SPPL2C: variants seen among roughly 807,000 people sequenced by gnomAD.
SPPL2C encodes signal peptide peptidase like 2C, also known as signal peptide peptidase-like 2C.
SPPL2C carries 33 observed loss-of-function variants against 38.8 expected under a neutral mutation model. The ratio of observed to expected loss-of-function variants is 0.85; its 90% CI spans 0.64 to 1.14. The LOEUF (loss-of-function observed/expected upper bound fraction) is 1.14, where lower values mean the gene tolerates loss of function less well. Among genes scored for constraint, SPPL2C ranks in the 50% most tolerant of loss-of-function variants. The probability of loss-of-function intolerance (pLI) is 0.00; values close to 1 mark genes in which losing one functional copy is unlikely to be tolerated. For synonymous variants in SPPL2C, 384 were observed against 390.7 expected (o/e 0.98, Z 0.20); for missense variants, 899 against 904.4 (o/e 0.99, Z 0.08).
Position 45,846,049 on chromosome 17 carries a change from C to G in SPPL2C, c.1143C>G (p.Ala381=). Residue 381 remains alanine, a synonymous_variant, in exon 1 of 1, where the codon GCC becomes GCG. Transcript: ENST00000329196. ...TLKNCSSFLL[A]LLAFDVFFVF... ...AGAACTGCTCCTCCTTCCTGCTGGC[C>G]CTGCTGGCCTTTGATGTCTTCTTTG... is the stretch of plus-strand genomic sequence containing the variant. 6.2e-7 allele frequency: 1 copy of G among 1,614,176 alleles called. No homozygotes were observed.
rs2062527720 is a variant in SPPL2C, at chr17:45,845,344, C to G, written c.438C>G (p.Leu146=). ...PQDPRQPLAD[L]TIPVAMLHYA... ...ATCCCCGCCAGCCCCTGGCAGACCTCACCATCCCTGTGGCTATGCTCCACT... is the reference window on the plus strand; with the variant it reads ...ATCCCCGCCAGCCCCTGGCAGACCTGACCATCCCTGTGGCTATGCTCCACT... The change falls in exon 1 of 1, where the codon CTC becomes CTG. Residue 146 remains leucine (L), a synonymous_variant. Transcript: ENST00000329196. The G allele has an allele frequency of 6.2e-7, 1 of 1,613,974 alleles. No homozygotes were observed. Among genetic ancestry groups the G allele is most frequent in the African/African-American group, 1.3e-5 (1 of 74,946 alleles).
rs929223 is a variant in SPPL2C at position 45,845,531 on chromosome 17, G to A, written c.625G>A (p.Glu209Lys). ...AGGCGGCTACTGGGCCGGCCTGACC[G>A]AAGCCAACCGGCTACAGCGGCGCCG... ...AAGGYWAGLT[E>K]ANRLQRRRAR... Residue 209 changes from glutamate (E) to lysine (K), a missense_variant, in exon 1 of 1, where the codon GAA becomes AAA. Glu to Lys is a moderately conservative substitution (Grantham distance 56). Transcript: ENST00000329196. The A allele has an allele frequency of 0.015, 24,005 of 1,600,268 alleles. 219 individuals carry two copies. Among genetic ancestry groups the A allele is most frequent in the Non-Finnish European group, 0.018 (20,907 of 1,174,618 alleles).
Position 45,845,230 on chromosome 17 carries a change from G to A in SPPL2C, c.324G>A (p.Trp108Ter). The A allele has an allele frequency of 6.2e-7, 1 of 1,613,786 alleles. No individual in the cohort carries two copies. The highest frequency in any genetic ancestry group is 8.5e-7 in the Non-Finnish European group (1 of 1,179,874). The change falls in exon 1 of 1, where the codon TGG (tryptophan) becomes TGA (stop). Residue 108 changes from tryptophan to a stop codon, truncating the protein, a stop_gained. Transcript: ENST00000329196. LOFTEE classifies it high-confidence loss of function. ...ACTGCAGCTTCCACACGAAAGGCTG[G>A]CTGGCTCAGGGCCAAGGTGCCCACG... Reference protein sequence around the residue: ...RGNCSFHTKGWLAQGQGAHGL... With the variant: ...RGNCSFHTKG
In SPPL2C at chr17:45,845,395, C is replaced by T; in HGVS notation, c.489C>T (p.Ser163=). 6.2e-7 allele frequency: 1 copy of T among 1,613,570 alleles called. No homozygotes were observed. Among genetic ancestry groups the T allele is most frequent in the Non-Finnish European group, 8.5e-7 (1 of 1,180,030 alleles). ...LHYADMLDIL[S]HTRGEAVVRV... ...ATGCTGACATGCTGGACATCCTCAG[C>T]CACACTCGTGGGGAGGCCGTCGTCC... The change falls in exon 1 of 1, where the codon AGC becomes AGT. Residue 163 remains serine, a synonymous_variant. Coordinates refer to ENST00000329196, the MANE Select transcript of SPPL2C (RefSeq NM_175882.3).
chr17:45,845,071 C>A lies in SPPL2C; in HGVS notation c.165C>A (p.His55Gln). The A allele has an allele frequency of 1.2e-6, 2 of 1,614,074 alleles. No individual in the cohort carries two copies. The highest frequency in any genetic ancestry group is 1.7e-5 in the Admixed American group (1 of 60,024). Reference protein sequence around the residue: ...DYITLPRDLHHAPLLPLYDGT... With the variant: ...DYITLPRDLHQAPLLPLYDGT... Reference sequence around the variant, plus strand: ...TCACCCTCCCCCGGGACCTGCACCACGCCCCACTCCTGCCCCTGTATGATG... The same window carrying A: ...TCACCCTCCCCCGGGACCTGCACCAAGCCCCACTCCTGCCCCTGTATGATG... The change falls in exon 1 of 1, where the codon CAC becomes CAA. Residue 55 changes from histidine (H) to glutamine (Q), a missense_variant. Coordinates refer to ENST00000329196, the MANE Select transcript of SPPL2C (RefSeq NM_175882.3).
rs1264983711 is a variant in SPPL2C, at chr17:45,845,340, A to T, written c.434A>T (p.Asp145Val). The T allele has an allele frequency of 1.2e-6, 2 of 1,613,996 alleles. No individual in the cohort carries two copies. The change falls in exon 1 of 1, where the codon GAC (aspartate) becomes GTC (valine). Residue 145 changes from aspartate to valine, a missense_variant. Asp to Val is a radical substitution (Grantham distance 152). Coordinates refer to ENST00000329196, the MANE Select transcript of SPPL2C (RefSeq NM_175882.3). ...APQDPRQPLA[D>V]LTIPVAMLHY... ...CAGGATCCCCGCCAGCCCCTGGCAG[A>T]CCTCACCATCCCTGTGGCTATGCTC... is the stretch of plus-strand genomic sequence containing the variant.
chr17:45,846,388 G>A lies in SPPL2C; in HGVS notation c.1482G>A (p.Met494Ile), dbSNP rs750554880. 6.2e-7 allele frequency: 1 copy of A among 1,613,630 alleles called. No homozygotes were observed. Among genetic ancestry groups the A allele is most frequent in the African/African-American group, 1.3e-5 (1 of 75,062 alleles). The change falls in exon 1 of 1, where the codon ATG becomes ATA. Residue 494 changes from methionine to isoleucine, a missense_variant. Transcript: ENST00000329196. The part of the protein sequence containing the change: ...LLVTFMAMVL[M>I]QMGQPALLYL... ...TCACATTCATGGCCATGGTCCTCAT[G>A]CAGATGGGCCAACCTGCCTTGCTCT...
rs780377071 is a variant in SPPL2C, at chr17:45,845,198, AGG to A, written c.295_296del (p.Gly99Ter). 6.2e-7 allele frequency: 1 copy of A among 1,613,728 alleles called. No individual in the cohort carries two copies. Among genetic ancestry groups the A allele is most frequent in the South Asian group, 1.1e-5 (1 of 91,070 alleles). ...PLRQTTAMVM[R>X]GNCSFHTKGW... ...CCGCCAGACCACTGCCATGGTCATG[AGG>A]GGTAACTGCAGCTTCCACACGAAAG... On this transcript the variant is annotated frameshift_variant, in exon 1 of 1. Coordinates refer to ENST00000329196, the MANE Select transcript of SPPL2C (RefSeq NM_175882.3). LOFTEE classifies it high-confidence loss of function.
In SPPL2C at chr17:45,846,934, G is replaced by C; in HGVS notation, c.2028G>C (p.Lys676Asn). The C allele has an allele frequency of 6.4e-7, 1 of 1,574,088 alleles. No homozygotes were observed. Among genetic ancestry groups the C allele is most frequent in the Non-Finnish European group, 8.6e-7 (1 of 1,161,292 alleles). ...AGAGGAAGGGTTTGAAAGTAAGAAA[G>C]AGCATGTCGACCCAGGCTCCCTTGT... ...LHKRKGLKVR[K>N]SMSTQAPL Residue 676 changes from lysine (K) to asparagine (N), a missense_variant, in exon 1 of 1, where the codon AAG (lysine) becomes AAC (asparagine). Transcript: ENST00000329196.
chr17:45,844,968 G>A lies in SPPL2C; in HGVS notation c.62G>A (p.Gly21Glu). The A allele has an allele frequency of 6.2e-7, 1 of 1,614,056 alleles. No homozygotes were observed. Among genetic ancestry groups the A allele is most frequent in the Non-Finnish European group, 8.5e-7 (1 of 1,179,934 alleles). Residue 21 changes from glycine to glutamate, a missense_variant, in exon 1 of 1, where the codon GGG becomes GAG. Gly to Glu is a moderately conservative substitution (Grantham distance 98, BLOSUM62 -2). Coordinates refer to ENST00000329196, the MANE Select transcript of SPPL2C (RefSeq NM_175882.3). The stretch of plus-strand genomic sequence containing the variant: ...CTCCTCCTCATCAGCACCGTGGCCG[G>A]GGGAAAGTACGGCGTGGCCCACGTG... ...GFLLLISTVA[G>E]GKYGVAHVVS... is the part of the protein sequence containing the mutation.
chr17:45,846,256 G>A lies in SPPL2C; in HGVS notation c.1350G>A (p.Val450=). The A allele has an allele frequency of 6.2e-7, 1 of 1,614,156 alleles. No homozygotes were observed. The highest frequency in any genetic ancestry group is 1.7e-5 in the Admixed American group (1 of 60,020). The change falls in exon 1 of 1, where the codon GTG becomes GTA. Residue 450 remains valine (V), a synonymous_variant. Coordinates refer to ENST00000329196, the MANE Select transcript of SPPL2C (RefSeq NM_175882.3). ...CCATCCTTGGCTTCGGTGACATTGT[G>A]GTCCCCGGCTTCCTGGTTGCTTACT... The part of the protein sequence containing the change: ...PFSILGFGDI[V]VPGFLVAYCC...
In SPPL2C at chr17:45,845,498, G is replaced by C. The variant is rs1426311060; in HGVS notation, c.592G>C (p.Val198Leu). The C allele has an allele frequency of 6.2e-7, 1 of 1,604,954 alleles. No individual in the cohort carries two copies. Among genetic ancestry groups the C allele is most frequent in the Non-Finnish European group, 8.5e-7 (1 of 1,177,488 alleles). The change falls in exon 1 of 1, where the codon GTG becomes CTG. Residue 198 changes from valine (V) to leucine (L), a missense_variant. Val to Leu is a conservative substitution (Grantham distance 32). Transcript: ENST00000329196. ...CATCTTCATCCTGGCTGTGGGCACA[G>C]TGGCTGCAGGCGGCTACTGGGCCGG... is the stretch of plus-strand genomic sequence containing the variant. The part of the protein sequence containing the change: ...LVIFILAVGT[V>L]AAGGYWAGLT...
chr17:45,845,689 C>T lies in SPPL2C; in HGVS notation c.783C>T (p.Thr261=), dbSNP rs536730578. The part of the protein sequence containing the change: ...FTPAMTGVVV[T]LSCSLMLLLY... ...CGGCCATGACAGGCGTGGTGGTCACCCTGTCCTGCTCGCTCATGCTGCTGC... is the reference window on the plus strand; with the variant it reads ...CGGCCATGACAGGCGTGGTGGTCACTCTGTCCTGCTCGCTCATGCTGCTGC... The change falls in exon 1 of 1, where the codon ACC becomes ACT. Residue 261 remains threonine (T), a synonymous_variant. Transcript: ENST00000329196. 45 of 1,613,820 alleles carry T rather than the reference C, an allele frequency of 2.8e-5. 1 individual carries two copies. The South Asian group carries it at 4.9e-4, about 18-fold the overall frequency.
chr17:45,846,329 G>A lies in SPPL2C; in HGVS notation c.1423G>A (p.Ala475Thr). 1 of 1,613,960 alleles carries A rather than the reference G, an allele frequency of 6.2e-7. No homozygotes were observed. Among genetic ancestry groups the A allele is most frequent in the Non-Finnish European group, 8.5e-7 (1 of 1,179,988 alleles). Residue 475 changes from alanine to threonine, a missense_variant, in exon 1 of 1, where the codon GCC becomes ACC. Coordinates refer to ENST00000329196, the MANE Select transcript of SPPL2C (RefSeq NM_175882.3). ...QVCSRQIYFV[A>T]CTVAYAVGLL... The stretch of plus-strand genomic sequence containing the variant: ...CTGCTCCCGTCAGATCTACTTCGTG[G>A]CCTGCACCGTGGCCTATGCTGTGGG...
rs564003383 is a variant in SPPL2C, at chr17:45,847,062, T to C, written c.*101T>C. 24 of 1,226,946 alleles carry C rather than the reference T, an allele frequency of 2.0e-5. No homozygotes were observed. The highest frequency in any genetic ancestry group is 2.7e-5 in the Non-Finnish European group (24 of 893,962). 76.0% of individuals were successfully genotyped at this position (1,226,946 alleles called of 1,614,324 possible). A position where few individuals can be genotyped will look rare whatever the true frequency, so the allele number is the denominator to read the frequency against. ...AAATCAGGGTATCAAAGAGATTTCA[T>C]ATCTACCCAAGGAGTCTCTCTGTTT... On this transcript the variant is annotated 3_prime_UTR_variant, in exon 1 of 1. Coordinates refer to ENST00000329196, the MANE Select transcript of SPPL2C (RefSeq NM_175882.3).
chr17:45,845,645 A>G lies in SPPL2C; in HGVS notation c.739A>G (p.Ile247Val). The change falls in exon 1 of 1, where the codon ATC (isoleucine) becomes GTC (valine). Residue 247 changes from isoleucine to valine, a missense_variant. Ile to Val is a conservative substitution (Grantham distance 29). Transcript: ENST00000329196. ...AGCCCAGAAGGAAGATAATGAGGAC[A>G]TCCCAGTGGACTTCACGCCGGCCAT... The part of the protein sequence containing the change: ...EGAQKEDNED[I>V]PVDFTPAMTG... 1 of 1,613,594 alleles carries G rather than the reference A, an allele frequency of 6.2e-7. No individual in the cohort carries two copies. The highest frequency in any genetic ancestry group is 8.5e-7 in the Non-Finnish European group (1 of 1,180,008).
In SPPL2C at chr17:45,845,000, G is replaced by C. The variant is rs780763323; in HGVS notation, c.94G>C (p.Glu32Gln). 1.6e-5 allele frequency: 26 copies of C among 1,614,120 alleles called. 1 individual carries two copies. In the South Asian group the frequency reaches 2.9e-4, roughly 18 times the overall value. Residue 32 changes from glutamate (E) to glutamine (Q), a missense_variant, in exon 1 of 1, where the codon GAG becomes CAG. Glu to Gln is a conservative substitution (Grantham distance 29). Transcript: ENST00000329196. ...GTACGGCGTGGCCCACGTGGTGTCG[G>C]AGAATTGGAGCAAGGACTACTGTAT... ...GKYGVAHVVS[E>Q]NWSKDYCILF...
chr17:45,846,586 A>G lies in SPPL2C; in HGVS notation c.1680A>G (p.Thr560=). 1 of 1,613,884 alleles carries G rather than the reference A, an allele frequency of 6.2e-7. No individual in the cohort carries two copies. Among genetic ancestry groups the G allele is most frequent in the African/African-American group, 1.3e-5 (1 of 75,066 alleles). The change falls in exon 1 of 1, where the codon ACA becomes ACG. Residue 560 remains threonine, a synonymous_variant. Transcript: ENST00000329196. ...EGAADAHTAS[T]LERGTSRGAG... The stretch of plus-strand genomic sequence containing the variant: ...CAGCAGATGCCCACACAGCCAGCAC[A>G]CTTGAGAGAGGCACCAGCCGAGGAG...
chr17:45,846,635 G>A lies in SPPL2C; in HGVS notation c.1729G>A (p.Gly577Arg), dbSNP rs751256816. Residue 577 changes from glycine to arginine, a missense_variant, in exon 1 of 1, where the codon GGA (glycine) becomes AGA (arginine). By Grantham distance (125) the Gly-to-Arg change is moderately radical. Coordinates refer to ENST00000329196, the MANE Select transcript of SPPL2C (RefSeq NM_175882.3). ...AGCAGGGGACTTAGACAGCAACCCT[G>A]GAGAAGACACCACTGAGATTGTCAC... is the stretch of plus-strand genomic sequence containing the variant. ...RGAGDLDSNP[G>R]EDTTEIVTIS... 3 of 1,614,234 alleles carry A rather than the reference G, an allele frequency of 1.9e-6. No homozygotes were observed. The highest frequency in any genetic ancestry group is 1.7e-6 in the Non-Finnish European group (2 of 1,180,050).
Sources: gnomAD v4.1 joint callset for allele counts on GRCh38, gnomAD v4.1.1 for gene constraint, MANE v1.5 for transcripts, NCBI Gene and HGNC (gene_info 2026-07-23, HGNC 2026-07-21) for gene names.